Variants in NSMCE2 observed in about 807,000 individuals in gnomAD.
NSMCE2 encodes the protein NSE2 SUMO ligase component of SMC5/6 complex.
A neutral mutation model predicts 23.8 loss-of-function variants in NSMCE2; 24 were observed. The ratio of observed to expected loss-of-function variants is 1.01; its 90% CI spans 0.73 to 1.42. The LOEUF is 1.42. Among genes scored for constraint, NSMCE2 ranks in the 40% most tolerant of loss-of-function variants. NSMCE2 has a pLI of 0.00. For synonymous variants in NSMCE2, 92 were observed against 94.1 expected (o/e 0.98, Z 0.13); for missense variants, 284 against 296.5 (o/e 0.96, Z 0.31).
intron 5 of NSMCE2, among the ~76,000 whole-genome samples, chr8:125,231,390 C>T (rs1164424584): frequency 6.6e-6 from 1 of 152,142 alleles, no homozygotes; most frequent in African/African-American, 2.4e-5. Flanking sequence ...GCAGTTATTG[C>T]AAGAACAAAG....
intron 5 of NSMCE2, among the ~76,000 whole-genome samples, chr8:125,232,367 A>G (rs1825361059): frequency 6.6e-6 from 1 of 152,126 alleles, no homozygotes; most frequent in Admixed American, 6.5e-5. Flanking sequence ...CCGTCTCAAA[A>G]AAAAAAAGAA....
At chr8:125,198,789 A>T (rs916180996) in intron 5 of NSMCE2, among the ~76,000 whole-genome samples, 6 of 152,222 alleles carry the variant, frequency 3.9e-5, no homozygotes, top group African/African-American at 7.2e-5. Context: ...TACCTCTGGT[A>T]GAATTAGGCT....
chr8:125,229,418 A>T (rs1825230383), intron 5 of NSMCE2, among the ~76,000 whole-genome samples: 1 of 152,132 alleles, frequency 6.6e-6, no homozygotes, highest in Non-Finnish European at 1.5e-5. Context: ...CCTCCTTTCC[A>T]GTGGATTTTC....
At chr8:125,207,584 T>C (rs1366465761) in intron 5 of NSMCE2, among the ~76,000 whole-genome samples, 1 of 152,228 alleles carries the variant, frequency 6.6e-6, no homozygotes, top group Admixed American at 6.5e-5. Context: ...TTAAATGGTG[T>C]TGAGTTTCCA....
At chr8:125,236,773 C>T (rs1002976209) in intron 5 of NSMCE2, among the ~76,000 whole-genome samples, 2 of 151,518 alleles carry the variant, frequency 1.3e-5, no homozygotes, top group African/African-American at 4.8e-5. Context: ...CTCCCTCTAC[C>T]ATGCTCTATA....
intron 5 of NSMCE2, among the ~76,000 whole-genome samples, chr8:125,188,637 A>AT (rs1823214374): frequency 6.6e-6 from 1 of 152,062 alleles, no homozygotes; most frequent in African/African-American, 2.4e-5. Flanking sequence ...TCATAATATA[A>AT]TTTTTTTAGT....
chr8:125,185,913 G>A (rs747992498), intron 5 of NSMCE2, among the ~76,000 whole-genome samples: 2 of 152,068 alleles, frequency 1.3e-5, no homozygotes, highest in Non-Finnish European at 2.9e-5. Flanking sequence ...GGTCTATTTT[G>A]TTGACGTACA....
At chr8:125,136,126 G>A (rs774318834) in intron 3 of NSMCE2, among the ~76,000 whole-genome samples, 2 of 151,738 alleles carry the variant, frequency 1.3e-5, no homozygotes, top group Non-Finnish European at 2.9e-5. Context: ...TTATTTTTTT[G>A]GTTGTTTGAG....
chr8:125,169,093 C>T (rs1822040392), intron 4 of NSMCE2, among the ~76,000 whole-genome samples: 1 of 151,792 alleles, frequency 6.6e-6, no homozygotes, highest in African/African-American at 2.4e-5. Flanking sequence ...CTGTTCCTTC[C>T]TTCCTGAATT....
At position 125,162,010 on chromosome 8, in the gene NSMCE2, C is replaced by G. The variant is rs117134698; in HGVS notation, c.264+10733C>G. Among the ~76,000 whole-genome samples, 580 of 152,242 alleles carry G rather than the reference C, an allele frequency of 3.8e-3. 3 individuals carry two copies. Among genetic ancestry groups the G allele is most frequent in the Non-Finnish European group, 5.9e-3 (399 of 68,022 alleles). On this transcript the variant is annotated intron_variant, in intron 4 of 7. Coordinates refer to ENST00000287437, the MANE Select transcript of NSMCE2 (RefSeq NM_173685.4). ...CACGAAGCAAGTCCTCTCTACCCAT[C>G]AGGTCACTTTCTGTCACCCTGAGGT...
At chr8:125,320,177 A>G (rs1367406744) in intron 5 of NSMCE2, among the ~76,000 whole-genome samples, 5 of 143,018 alleles carry the variant, frequency 3.5e-5, no homozygotes, top group Non-Finnish European at 6.1e-5. Flanking sequence ...CTCCATCTCA[A>G]AAAAAAAAGA....
chr8:125,253,306 AG>A (rs1169550159), intron 5 of NSMCE2, among the ~76,000 whole-genome samples: 9 of 152,212 alleles, frequency 5.9e-5, no homozygotes, highest in African/African-American at 2.2e-4. Flanking sequence ...TTTTGTGCTC[AG>A]CTCAAAGCCT....
chr8:125,188,973 A>G (rs1823229123), intron 5 of NSMCE2, among the ~76,000 whole-genome samples: 1 of 152,250 alleles, frequency 6.6e-6, no homozygotes, highest in Non-Finnish European at 1.5e-5. Context: ...AAACCAAGGT[A>G]GTGCCAATAG....
At chr8:125,286,401 C>G (rs1827902123) in intron 5 of NSMCE2, among the ~76,000 whole-genome samples, 1 of 151,954 alleles carries the variant, frequency 6.6e-6, no homozygotes, top group African/African-American at 2.4e-5. Flanking sequence ...CAACCTCCGC[C>G]TCCTGGGTTC....
chr8:125,256,939 AAAAAAAAAAAAAAAAAAAAAG>A (rs1428594917), intron 5 of NSMCE2, among the ~76,000 whole-genome samples: 2 of 135,770 alleles, frequency 1.5e-5, no homozygotes, highest in African/African-American at 6.4e-5. Context: ...AAAAAAAAAA[AAAAAAAAAAAAAAAAAAAAAG>A]AGGGCTGAAG....
intron 3 of NSMCE2, among the ~76,000 whole-genome samples, chr8:125,122,595 A>G (rs1458656328): frequency 6.6e-6 from 1 of 151,968 alleles, no homozygotes; most frequent in Non-Finnish European, 1.5e-5. Flanking sequence ...GAGGGCACCA[A>G]TTCATCTTTC....
chr8:125,194,207 A>G (rs1044469315), intron 5 of NSMCE2, among the ~76,000 whole-genome samples: 12 of 152,098 alleles, frequency 7.9e-5, no homozygotes, highest in Non-Finnish European at 1.2e-4. Context: ...AGTTCTATCA[A>G]TCAACCCCCA....
intron 5 of NSMCE2, among the ~76,000 whole-genome samples, chr8:125,353,747 G>A (rs979589110): frequency 2.6e-5 from 4 of 151,784 alleles, no homozygotes; most frequent in African/African-American, 4.8e-5. Flanking sequence ...GCTGGGCCTG[G>A]TGGTGGACGC....
chr8:125,099,292 A>G (rs1818075864), intron 1 of NSMCE2, among the ~76,000 whole-genome samples: 1 of 152,130 alleles, frequency 6.6e-6, no homozygotes, highest in African/African-American at 2.4e-5. Flanking sequence ...GCCGTTGTAT[A>G]TCAGATGGCC....
Sources: gnomAD v4.1 joint callset for allele counts (sites outside exome capture counted in the v4.1 genomes callset) on GRCh38, gnomAD v4.1.1 for gene constraint, MANE v1.5 for transcripts, NCBI Gene and HGNC (gene_info 2026-07-23, HGNC 2026-07-21) for gene names.